Variants in ATP8A2 observed in about 807,000 individuals in gnomAD.
The protein encoded by ATP8A2 is phospholipid-transporting ATPase IB.
Under a neutral mutation model 165.6 loss-of-function variants are expected in ATP8A2, and 100 were observed. The ratio of observed to expected loss-of-function variants is 0.60; its 90% CI spans 0.51 to 0.71. The LOEUF (loss-of-function observed/expected upper bound fraction) is 0.71, where lower values mean the gene tolerates loss of function less well. Ranked by LOEUF, ATP8A2 falls within the 30% of genes least tolerant of loss-of-function variation. The pLI, the probability that ATP8A2 is intolerant of heterozygous loss-of-function variation, is 0.00. For synonymous variants in ATP8A2, 543 were observed against 548.8 expected (o/e 0.99, Z 0.15); for missense variants, 1,227 against 1,479.5 (o/e 0.83, Z 2.80).
chr13:25,811,067 GA>G (rs5802350), intron 27 of ATP8A2, among the ~76,000 whole-genome samples: 149,300 of 151,062 alleles, frequency 0.99, 73,794 homozygotes, highest in Non-Finnish European at 1. Context: ...TCCCTTAAAA[GA>G]AAAAAAAAAA....
At chr13:25,897,979 A>G (rs564820470) in intron 33 of ATP8A2, among the ~76,000 whole-genome samples, 6 of 152,170 alleles carry the variant, frequency 3.9e-5, no homozygotes, top group African/African-American at 1.4e-4. Flanking sequence ...CATTGGTTCA[A>G]ACTTCCTCCT....
intron 33 of ATP8A2, among the ~76,000 whole-genome samples, chr13:25,866,467 T>C (rs1162746002): frequency 6.6e-6 from 1 of 152,214 alleles, no homozygotes; most frequent in Non-Finnish European, 1.5e-5. Flanking sequence ...CAAATTCTTT[T>C]AGCCAAAGAA....
intron 1 of ATP8A2, among the ~76,000 whole-genome samples, chr13:25,448,813 C>A (rs1213780963): frequency 6.6e-6 from 1 of 152,082 alleles, no homozygotes; most frequent in Non-Finnish European, 1.5e-5. Context: ...CCAGCCCTGG[C>A]TAATTTTTGT....
chr13:25,709,178 C>G lies in ATP8A2; in HGVS notation c.2384+9833C>G, dbSNP rs1015562953. 3.9e-5 allele frequency among the ~76,000 whole-genome samples: 6 copies of G among 152,332 alleles called. No homozygotes were observed. In the South Asian group the frequency reaches 1.0e-3, roughly 26 times the overall value. On this transcript the variant is annotated intron_variant, in intron 25 of 36. Coordinates refer to ENST00000381655, the MANE Select transcript of ATP8A2 (RefSeq NM_016529.6). ...CCCATCAAATTCTTGACACCTGGGT[C>G]ATCTGAGCAAAACAGAGCATGCATT...
intron 1 of ATP8A2, among the ~76,000 whole-genome samples, chr13:25,390,768 A>G (rs1593243260): frequency 6.6e-6 from 1 of 152,030 alleles, no homozygotes; most frequent in African/African-American, 2.4e-5. Context: ...TTTCTCTACT[A>G]AAAATACAAA....
intron 24 of ATP8A2, among the ~76,000 whole-genome samples, chr13:25,614,399 G>A (rs2138457349): frequency 6.6e-6 from 1 of 151,846 alleles, no homozygotes; most frequent in East Asian, 1.9e-4. Context: ...ATTTCTCTGG[G>A]GATTTTTCTG....
chr13:25,442,108 A>G (rs2034947166), intron 1 of ATP8A2, among the ~76,000 whole-genome samples: 1 of 152,226 alleles, frequency 6.6e-6, no homozygotes, highest in African/African-American at 2.4e-5. Flanking sequence ...TTGTATGTAT[A>G]GACCACATTT....
At chr13:25,467,105 G>A (rs955685406) in intron 1 of ATP8A2, among the ~76,000 whole-genome samples, 1 of 152,190 alleles carries the variant, frequency 6.6e-6, no homozygotes, top group Non-Finnish European at 1.5e-5. Flanking sequence ...ATGAGTAGAC[G>A]ACCAAGCAGT....
intron 25 of ATP8A2, among the ~76,000 whole-genome samples, chr13:25,718,119 G>A (rs1349739522): frequency 1.3e-5 from 2 of 152,162 alleles, no homozygotes; most frequent in South Asian, 4.1e-4. Flanking sequence ...TTGGCACTGG[G>A]CAGGTGATCA....
chr13:25,817,535 G>A (rs960799620), intron 27 of ATP8A2, among the ~76,000 whole-genome samples: 6 of 152,010 alleles, frequency 3.9e-5, no homozygotes, highest in African/African-American at 1.2e-4. Context: ...ACTTTCTTGC[G>A]TTAGTTGGGA....
Position 26,023,835 on chromosome 13 carries a change from C to T in ATP8A2, c.*3850C>T, listed in dbSNP as rs934648011. The T allele has an allele frequency of 3.5e-4, 54 of 152,260 alleles. No homozygotes were observed. The highest frequency in any genetic ancestry group is 1.3e-3 in the African/African-American group (53 of 41,536). The allele number at this position is 152,260 out of a possible 1,614,324, so 9.4% of individuals were successfully genotyped here. On this transcript the variant is annotated 3_prime_UTR_variant, in exon 37 of 37. Coordinates refer to ENST00000381655, the MANE Select transcript of ATP8A2 (RefSeq NM_016529.6). Reference sequence around the variant, plus strand: ...CAAAGTAATTCAAGGAGTGATTTAACATCAGCATTTGAAATGTAGTCTTCA... The same window carrying T: ...CAAAGTAATTCAAGGAGTGATTTAATATCAGCATTTGAAATGTAGTCTTCA...
intron 16 of ATP8A2, 129 bp downstream of exon 16, chr13:25,564,160 C>T: frequency 1.5e-6 from 1 of 687,340 alleles, no homozygotes; most frequent in Non-Finnish European, 2.6e-6. Flanking sequence ...TGATGTGAGT[C>T]CTTCTGAGAA....
At chr13:25,591,439 A>C (rs2040075103) in intron 24 of ATP8A2, 2 of 450,588 alleles carry the variant, frequency 4.4e-6, no homozygotes, top group South Asian at 1.6e-5. Context: ...CATTTCATGT[A>C]ACATAATGTC....
At chr13:25,687,255 C>G (rs547198938) in intron 24 of ATP8A2, among the ~76,000 whole-genome samples, 5 of 152,130 alleles carry the variant, frequency 3.3e-5, no homozygotes, top group Non-Finnish European at 7.4e-5. Context: ...GCTTTTTTCA[C>G]CCAGTGGGAG....
chr13:25,538,787 T>TGCA (rs1335579305), intron 7 of ATP8A2, among the ~76,000 whole-genome samples: 6 of 152,212 alleles, frequency 3.9e-5, no homozygotes, highest in Admixed American at 3.3e-4. Flanking sequence ...GCATGCTGTT[T>TGCA]GCATTTTCTT....
At chr13:25,907,328 G>C (rs989206871) in intron 33 of ATP8A2, among the ~76,000 whole-genome samples, 1 of 152,046 alleles carries the variant, frequency 6.6e-6, no homozygotes, top group African/African-American at 2.4e-5. Flanking sequence ...CTCCAGCCTG[G>C]CAGGAGAGCG....
intron 4 of ATP8A2, among the ~76,000 whole-genome samples, chr13:25,531,280 G>GA (rs1566229363): frequency 2.8e-4 from 10 of 36,132 alleles, no homozygotes; most frequent in African/African-American, 4.4e-4. Context: ...TGATATATAT[G>GA]TTATATATGA....
At chr13:25,445,444 G>A (rs1174165334) in intron 1 of ATP8A2, among the ~76,000 whole-genome samples, 1 of 152,164 alleles carries the variant, frequency 6.6e-6, no homozygotes, top group Non-Finnish European at 1.5e-5. Flanking sequence ...ATCAGTGAAG[G>A]ACAGCAGCTG....
chr13:25,938,877 C>G (rs112433010), intron 33 of ATP8A2, among the ~76,000 whole-genome samples: 1,835 of 150,646 alleles, frequency 0.012, 41 homozygotes, highest in African/African-American at 0.041. Context: ...AAGTCTCACT[C>G]TATCCCCCAG....
Sources: gnomAD v4.1 joint callset for allele counts (sites outside exome capture counted in the v4.1 genomes callset) on GRCh38, gnomAD v4.1.1 for gene constraint, MANE v1.5 for transcripts, NCBI Gene and HGNC (gene_info 2026-07-23, HGNC 2026-07-21) for gene names.